The following DCC variants were observed in gnomAD, a reference collection of about 807,000 sequenced individuals.
DCC encodes DCC netrin 1 receptor.
A neutral mutation model predicts 172.5 loss-of-function variants in DCC; 58 were observed. That is an observed-to-expected ratio of 0.34 (90% CI 0.27 to 0.42). The LOEUF (loss-of-function observed/expected upper bound fraction) is 0.42, where lower values mean the gene tolerates loss of function less well. Among genes scored for constraint, DCC ranks in the 10% least tolerant of loss-of-function variants. DCC has a pLI of 1.00. For missense variants in DCC, 1,740 were observed against 1,791.0 expected, an observed-to-expected ratio of 0.97 and a Z score of 0.51; for synonymous variants, 709 against 644.5, an observed-to-expected ratio of 1.10 and a Z score of -1.52.
At chr18:52,928,893 T>G (rs1568193438) in intron 5 of DCC, among the ~76,000 whole-genome samples, 1 of 152,116 alleles carries the variant, frequency 6.6e-6, no homozygotes, top group Non-Finnish European at 1.5e-5. Context: ...CACTCAGGTG[T>G]CAGCTTGTCC....
In DCC at chr18:52,463,744, T is replaced by A. The variant is rs568621240; in HGVS notation, c.91+122866T>A. On this transcript the variant is annotated intron_variant, in intron 1 of 28. Transcript: ENST00000442544. ...GTCACTGTACTAGGTGCTGAGGATA[T>A]AACAAAAACAGAGGAAGGACAGATT... Among the ~76,000 whole-genome samples, 73 of 152,270 alleles carry A rather than the reference T, an allele frequency of 4.8e-4. 1 individual carries two copies. The South Asian group carries it at 0.015, about 31-fold the overall frequency.
chr18:53,502,825 C>T (rs1400588788), intron 27 of DCC, among the ~76,000 whole-genome samples: 2 of 151,760 alleles, frequency 1.3e-5, no homozygotes, highest in African/African-American at 4.9e-5. Flanking sequence ...ACTCAAATTC[C>T]TGTGTGTGAA....
chr18:52,957,227 A>G (rs146517150), intron 5 of DCC, among the ~76,000 whole-genome samples: 4 of 152,128 alleles, frequency 2.6e-5, no homozygotes, highest in Non-Finnish European at 5.9e-5. Context: ...TATCATTTGG[A>G]GTTTTCTAGC....
At chr18:53,468,657 A>G (rs1599184908) in intron 25 of DCC, among the ~76,000 whole-genome samples, 1 of 152,258 alleles carries the variant, frequency 6.6e-6, no homozygotes, top group East Asian at 1.9e-4. Context: ...TGCTGGGAAT[A>G]TAGGCATAAG....
At chr18:52,614,023 A>G (rs1053759388) in intron 1 of DCC, among the ~76,000 whole-genome samples, 9 of 152,032 alleles carry the variant, frequency 5.9e-5, no homozygotes, top group Non-Finnish European at 1.2e-4. Context: ...GGGATTCCAG[A>G]CTGTTCTGGA....
intron 5 of DCC, among the ~76,000 whole-genome samples, chr18:52,999,517 A>C (rs1287141254): frequency 6.6e-6 from 1 of 152,080 alleles, no homozygotes; most frequent in African/African-American, 2.4e-5. Context: ...TCAGTGACTA[A>C]GAAAGTGAAT....
At chr18:53,360,325 T>G (rs1020685857) in intron 15 of DCC, among the ~76,000 whole-genome samples, 1 of 152,168 alleles carries the variant, frequency 6.6e-6, no homozygotes, top group Admixed American at 6.6e-5. Context: ...TTCTGAAACA[T>G]TATCAGTTAA....
chr18:53,437,155 A>T (rs1911990983), intron 22 of DCC, among the ~76,000 whole-genome samples: 2 of 152,116 alleles, frequency 1.3e-5, no homozygotes, highest in Non-Finnish European at 2.9e-5. Flanking sequence ...ACAACTTCCT[A>T]TTGTCTCTTA....
At chr18:53,115,592 T>C (rs1033761225) in intron 7 of DCC, among the ~76,000 whole-genome samples, 1 of 151,606 alleles carries the variant, frequency 6.6e-6, no homozygotes, top group Non-Finnish European at 1.5e-5. Context: ...TTGTAAAAAA[T>C]ACAAGCACTG....
intron 5 of DCC, among the ~76,000 whole-genome samples, chr18:53,061,419 C>T (rs1279175931): frequency 6.6e-6 from 1 of 152,006 alleles, no homozygotes; most frequent in Non-Finnish European, 1.5e-5. Flanking sequence ...ATTTCAAGTT[C>T]TAATGGATGT....
Position 52,814,491 on chromosome 18 carries a change from T to G in DCC, c.412+62117T>G, listed in dbSNP as rs116598903. Among the ~76,000 whole-genome samples, 520 of 152,288 alleles carry G rather than the reference T, an allele frequency of 3.4e-3. 3 individuals carry two copies. The highest frequency in any genetic ancestry group is 0.011 in the African/African-American group (473 of 41,564). On this transcript the variant is annotated intron_variant, in intron 2 of 28. Transcript: ENST00000442544. ...GCACCAGGGTCTCTTCCATACAATCTTGATCCTTGTATCACAAACTGATGA... is the reference window on the plus strand; with the variant it reads ...GCACCAGGGTCTCTTCCATACAATCGTGATCCTTGTATCACAAACTGATGA...
At chr18:53,175,860 G>A (rs929828131) in intron 8 of DCC, among the ~76,000 whole-genome samples, 8 of 152,110 alleles carry the variant, frequency 5.3e-5, no homozygotes, top group East Asian at 3.9e-4. Flanking sequence ...AAAAGAGCCT[G>A]CATTGCCAAG....
At chr18:52,566,304 G>A (rs1214792446) in intron 1 of DCC, among the ~76,000 whole-genome samples, 1 of 152,084 alleles carries the variant, frequency 6.6e-6, no homozygotes, top group African/African-American at 2.4e-5. Flanking sequence ...TCGTAAGTGG[G>A]AGTTGAACAA....
chr18:53,471,732 C>T (rs544148243), intron 25 of DCC, among the ~76,000 whole-genome samples: 25 of 152,188 alleles, frequency 1.6e-4, no homozygotes, highest in Non-Finnish European at 3.4e-4. Context: ...TAGATATTTA[C>T]ATGTCTTATC....
At chr18:52,421,933 C>T (rs766348557) in intron 1 of DCC, among the ~76,000 whole-genome samples, 18 of 152,190 alleles carry the variant, frequency 1.2e-4, no homozygotes, top group Non-Finnish European at 2.4e-4. Flanking sequence ...ATAGTGACCC[C>T]ATGAGACCCT....
chr18:52,965,574 A>G (rs1268784486), intron 5 of DCC, among the ~76,000 whole-genome samples: 1 of 152,172 alleles, frequency 6.6e-6, no homozygotes, highest in African/African-American at 2.4e-5. Context: ...AGTAATAATA[A>G]TTTTTGTGTT....
chr18:52,428,464 A>T (rs534541511), intron 1 of DCC, among the ~76,000 whole-genome samples: 1 of 152,264 alleles, frequency 6.6e-6, no homozygotes, highest in African/African-American at 2.4e-5. Flanking sequence ...TCTTAGGCAG[A>T]CCTACAAGGA....
chr18:52,668,387 G>A (rs1260989815), intron 1 of DCC, among the ~76,000 whole-genome samples: 1 of 152,184 alleles, frequency 6.6e-6, no homozygotes, highest in Non-Finnish European at 1.5e-5. Flanking sequence ...AGAACAAAAA[G>A]GGCATTTTCA....
At chr18:52,912,407 A>G (rs1428445649) in intron 3 of DCC, among the ~76,000 whole-genome samples, 1 of 151,958 alleles carries the variant, frequency 6.6e-6, no homozygotes, top group Non-Finnish European at 1.5e-5. Context: ...CTGATTTTGG[A>G]TTCTGGGTCT....
Sources: allele counts gnomAD v4.1 joint callset (sites outside exome capture counted in the v4.1 genomes callset), GRCh38; gene constraint gnomAD v4.1.1; transcripts MANE v1.5; gene names NCBI Gene and HGNC (gene_info 2026-07-23, HGNC 2026-07-21).